Variants in RPH3AL observed in about 807,000 individuals in gnomAD.
RPH3AL encodes the protein rab effector Noc2.
A neutral mutation model predicts 43.1 loss-of-function variants in RPH3AL; 38 were observed. That is an observed-to-expected ratio of 0.88 (90% CI 0.68 to 1.15). The LOEUF is 1.15. Ranked by LOEUF, RPH3AL falls within the 50% of genes most tolerant of loss-of-function variation. The pLI is 0.00. For missense variants in RPH3AL, 462 were observed against 423.2 expected, an observed-to-expected ratio of 1.09 and a Z score of -0.81; for synonymous variants, 189 against 176.3, an observed-to-expected ratio of 1.07 and a Z score of -0.57.
intron 6 of RPH3AL, among the ~76,000 whole-genome samples, chr17:258,351 T>C (rs1335373924): frequency 6.6e-6 from 1 of 152,242 alleles, no homozygotes; most frequent in Admixed American, 6.5e-5. Flanking sequence ...GGTCGTTTGC[T>C]GCAACGTGTC....
At chr17:231,681 C>A (rs2041234607) in intron 7 of RPH3AL, among the ~76,000 whole-genome samples, 1 of 152,244 alleles carries the variant, frequency 6.6e-6, no homozygotes, top group South Asian at 2.1e-4. Context: ...GGGAGCTCTG[C>A]ACACCAAAAG....
chr17:258,071 C>G (rs1419295640), intron 6 of RPH3AL, among the ~76,000 whole-genome samples: 1 of 152,210 alleles, frequency 6.6e-6, no homozygotes, highest in Non-Finnish European at 1.5e-5. Flanking sequence ...ACGCAGCAAC[C>G]CGTGTCAGCA....
At chr17:234,539 T>C (rs1352931608) in intron 7 of RPH3AL, 1 of 156,932 alleles carries the variant, frequency 6.4e-6, no homozygotes, top group Non-Finnish European at 1.4e-5. Flanking sequence ...GTAGGCCAGA[T>C]TGAATCACTG....
Position 290,617 on chromosome 17 carries a change from C to G in RPH3AL, c.352-8763G>C, listed in dbSNP as rs74877640. Among the ~76,000 whole-genome samples, 1,149 of 152,132 alleles carry G rather than the reference C, an allele frequency of 7.6e-3. 7 individuals are homozygous for G. Among genetic ancestry groups the G allele is most frequent in the Non-Finnish European group, 0.011 (750 of 67,988 alleles). ...CAGATGGCACCCAAGAGTCACAATG[C>G]GACAGAAGGTTCTGCTGGGCCACTC... On this transcript the variant is annotated intron_variant, in intron 5 of 9. Coordinates refer to ENST00000331302, the MANE Select transcript of RPH3AL (RefSeq NM_006987.4). This position sits in a 1 kb window ranked among gnomAD's most constrained non-coding sequence, Gnocchi z 4.2.
chr17:225,158 C>T lies in RPH3AL; in HGVS notation c.614-5422G>A, dbSNP rs1203763533. Among the ~76,000 whole-genome samples the T allele has an allele frequency of 6.6e-6, 1 of 150,812 alleles. No homozygotes were observed. The highest frequency in any genetic ancestry group is 6.6e-5 in the Admixed American group (1 of 15,166). ...GTGATGAGCATGGGATCAGGCCTGG[C>T]CTCTCCTTCCTCCATCTGCTCAGAG... is the stretch of plus-strand genomic sequence containing the variant. On this transcript the variant is annotated intron_variant, in intron 7 of 9. Transcript: ENST00000331302. The surrounding 1 kb of genome is among the most constrained non-coding windows in gnomAD (Gnocchi z 4.4).
intron 6 of RPH3AL, among the ~76,000 whole-genome samples, chr17:253,299 G>A (rs2041958153): frequency 1.3e-5 from 2 of 152,284 alleles, no homozygotes; most frequent in Non-Finnish European, 2.9e-5. Context: ...TTGATGCTCA[G>A]GGTGACTTGG....
At chr17:317,061 T>G (rs1415082309) in intron 5 of RPH3AL, among the ~76,000 whole-genome samples, 7 of 142,754 alleles carry the variant, frequency 4.9e-5, no homozygotes, top group African/African-American at 1.6e-4. Flanking sequence ...GTGCCCCACC[T>G]CCACTGACCT....
intron 4 of RPH3AL, among the ~76,000 whole-genome samples, chr17:320,415 C>T (rs554608780): frequency 2.6e-5 from 4 of 151,986 alleles, no homozygotes; most frequent in Admixed American, 6.5e-5. Flanking sequence ...GCAGGCGGAT[C>T]GCTTGAGCCC....
intron 6 of RPH3AL, 122 bp from the exon 7 acceptor site, chr17:247,407 T>C: frequency 9.9e-7 from 1 of 1,010,604 alleles, no homozygotes; most frequent in East Asian, 2.7e-5. Context: ...GTGGGAACTC[T>C]GGCTCTGCCC....
At chr17:298,403 G>T (rs184746962) in intron 5 of RPH3AL, among the ~76,000 whole-genome samples, 16 of 152,296 alleles carry the variant, frequency 1.1e-4, no homozygotes, top group Non-Finnish European at 2.2e-4. Flanking sequence ...ACAGTCAACA[G>T]TCTCCAAGCC....
chr17:280,688 A>G (rs535261781), intron 6 of RPH3AL, among the ~76,000 whole-genome samples: 1 of 152,358 alleles, frequency 6.6e-6, no homozygotes, highest in South Asian at 2.1e-4. Context: ...GATCTCAAGG[A>G]AAGACTTAGT....
At chr17:263,458 G>C (rs2042247429) in intron 6 of RPH3AL, among the ~76,000 whole-genome samples, 1 of 152,226 alleles carries the variant, frequency 6.6e-6, no homozygotes, top group Admixed American at 6.5e-5. Flanking sequence ...CGAACAGGCA[G>C]CAGCGGGTGA....
chr17:262,505 C>A (rs917125122), intron 6 of RPH3AL, among the ~76,000 whole-genome samples: 15 of 152,070 alleles, frequency 9.9e-5, no homozygotes, highest in Admixed American at 6.5e-4. Flanking sequence ...TGAGCCACCG[C>A]ACCCGGCCAA....
At chr17:312,350 C>T (rs2043666507) in intron 5 of RPH3AL, among the ~76,000 whole-genome samples, 1 of 152,078 alleles carries the variant, frequency 6.6e-6, no homozygotes, top group African/African-American at 2.4e-5. Context: ...TCTCCTCCTG[C>T]CACACGAGGA....
Position 274,759 on chromosome 17 carries a change from C to A in RPH3AL, c.438+7009G>T, listed in dbSNP as rs555810048. Among the ~76,000 whole-genome samples, 32 of 152,220 alleles carry A rather than the reference C, an allele frequency of 2.1e-4. No individual in the cohort carries two copies. In the South Asian group the frequency reaches 6.6e-3, roughly 32 times the overall value. On this transcript the variant is annotated intron_variant, in intron 6 of 9. Transcript: ENST00000331302. The surrounding 1 kb of genome is among the most constrained non-coding windows in gnomAD (Gnocchi z 4.7). Reference sequence around the variant, plus strand: ...CAATCCTGGGTCTGCGGGGCTTAGGCTGCTGCAGAAGCGGGGAGGGGAAAA... The same window carrying A: ...CAATCCTGGGTCTGCGGGGCTTAGGATGCTGCAGAAGCGGGGAGGGGAAAA...
rs1213898290 is a variant in RPH3AL, at chr17:323,274, AC to A, written c.78-1860del. Among the ~76,000 whole-genome samples, 1 of 150,026 alleles carries A rather than the reference AC, an allele frequency of 6.7e-6. No individual in the cohort carries two copies. Among genetic ancestry groups the A allele is most frequent in the Non-Finnish European group, 1.5e-5 (1 of 67,742 alleles). On this transcript the variant is annotated intron_variant, in intron 3 of 9. Transcript: ENST00000331302. This position sits in a 1 kb window ranked among gnomAD's most constrained non-coding sequence, Gnocchi z 4.4. ...GTTTTTCCAATTTAAAAAAAAAAAA[AC>A]TGCAATGCCCTAGACCAACGCTTTC...
chr17:347,264 T>A (rs888241305), intron 1 of RPH3AL, among the ~76,000 whole-genome samples: 6 of 79,380 alleles, frequency 7.6e-5, no homozygotes, highest in African/African-American at 2.0e-4. Flanking sequence ...TCCCAGATTT[T>A]AAAAAAATAA....
rs372756914 is a variant in RPH3AL at position 303,515 on chromosome 17, A to G, written c.351+15905T>C. ...TGTACTGAGGTTTTAATAATTATTG[A>G]GCAGTGACCGTGTTTCAGGAAAGAG... is the stretch of plus-strand genomic sequence containing the variant. On this transcript the variant is annotated intron_variant, in intron 5 of 9. Coordinates refer to ENST00000331302, the MANE Select transcript of RPH3AL (RefSeq NM_006987.4). 1.5e-3 allele frequency among the ~76,000 whole-genome samples: 201 copies of G among 131,290 alleles called. 3 individuals are homozygous for G. Among genetic ancestry groups the G allele is most frequent in the African/African-American group, 3.6e-3 (132 of 36,336 alleles). The allele number at this position is 131,290 out of a possible 152,430, so 86.1% of individuals were successfully genotyped here. A position where few individuals can be genotyped will look rare whatever the true frequency, so the allele number is the denominator to read the frequency against.
intron 6 of RPH3AL, among the ~76,000 whole-genome samples, chr17:281,056 T>C (rs1466098519): frequency 2.0e-5 from 3 of 152,190 alleles, no homozygotes; most frequent in Non-Finnish European, 4.4e-5. Context: ...TCCTGCTGTT[T>C]TGGCTCCAAT....
Sources: allele counts gnomAD v4.1 joint callset (sites outside exome capture counted in the v4.1 genomes callset), GRCh38; gene constraint gnomAD v4.1.1; non-coding constraint Gnocchi (gnomAD v3.1); transcripts MANE v1.5; gene names NCBI Gene and HGNC (gene_info 2026-07-23, HGNC 2026-07-21).